The following GRAMD4 variants were observed in gnomAD, a reference collection of about 807,000 sequenced individuals.
GRAMD4 encodes the protein GRAM domain containing 4.
GRAMD4 carries 25 observed loss-of-function variants against 83.9 expected under a neutral mutation model. The observed-to-expected ratio is 0.30, with a 90% CI of 0.22 to 0.42. The LOEUF (loss-of-function observed/expected upper bound fraction) is 0.42. Ranked by LOEUF, GRAMD4 falls within the 10% of genes least tolerant of loss-of-function variation. The probability of loss-of-function intolerance (pLI) is 1.00; values close to 1 mark genes in which losing one functional copy is unlikely to be tolerated. For missense variants in GRAMD4, 593 were observed against 788.7 expected (o/e 0.75, Z 2.97); for synonymous variants, 336 against 320.9 (o/e 1.05, Z -0.50).
At chr22:46,644,331 C>T (rs544778100) in intron 3 of GRAMD4, among the ~76,000 whole-genome samples, 6 of 152,158 alleles carry the variant, frequency 3.9e-5, no homozygotes, top group African/African-American at 1.4e-4. Context: ...TTCCGTGTTA[C>T]ACCTGTTTCT....
intron 1 of GRAMD4, among the ~76,000 whole-genome samples, chr22:46,601,386 C>T (rs2081310987): frequency 1.3e-5 from 2 of 152,076 alleles, no homozygotes; most frequent in Non-Finnish European, 2.9e-5. Flanking sequence ...GGTCCCTGGG[C>T]CACACTTTGA....
intron 1 of GRAMD4, among the ~76,000 whole-genome samples, chr22:46,624,045 A>G (rs1348479703): frequency 6.6e-6 from 1 of 152,078 alleles, no homozygotes; most frequent in Non-Finnish European, 1.5e-5. Flanking sequence ...GCCTCACAAA[A>G]TGCTGGGATT....
chr22:46,609,625 G>T (rs1265277375), intron 1 of GRAMD4, among the ~76,000 whole-genome samples: 1 of 152,202 alleles, frequency 6.6e-6, no homozygotes, highest in Non-Finnish European at 1.5e-5. Flanking sequence ...GTGCCAGGCC[G>T]TGTGCTGGGC....
Position 46,679,374 on chromosome 22 carries a change from G to A in GRAMD4, c.*2123G>A, listed in dbSNP as rs975549731. On this transcript the variant is annotated 3_prime_UTR_variant, in exon 19 of 19. Coordinates refer to ENST00000406902, the MANE Select transcript of GRAMD4 (RefSeq NM_015124.5). ...GAAGCCCCCAGGGAGGGCCACATTC[G>A]GGGAGCGGGGGGTCGGGGGAGGGCC... 1.1e-5 allele frequency: 11 copies of A among 985,334 alleles called. No individual in the cohort carries two copies. Among genetic ancestry groups the A allele is most frequent in the East Asian group, 1.1e-4 (1 of 8,822 alleles). The allele number at this position is 985,334 out of a possible 1,614,324, so 61.0% of individuals were successfully genotyped here. A position where few individuals can be genotyped will look rare whatever the true frequency, so the allele number is the denominator to read the frequency against.
intron 2 of GRAMD4, among the ~76,000 whole-genome samples, chr22:46,636,162 C>T (rs959211801): frequency 2.0e-5 from 3 of 152,224 alleles, no homozygotes; most frequent in African/African-American, 7.2e-5. Flanking sequence ...TAAGCTGGAG[C>T]ACAGGTGGGG....
rs3747255 is a variant in GRAMD4 at position 46,678,384 on chromosome 22, G to T, written c.*1133G>T. The T allele has an allele frequency of 2.0e-6, 2 of 984,618 alleles. No individual in the cohort carries two copies. Among genetic ancestry groups the T allele is most frequent in the Non-Finnish European group, 2.4e-6 (2 of 829,312 alleles). 61.0% of individuals were successfully genotyped at this position (984,618 alleles called of 1,614,324 possible). Reference sequence around the variant, plus strand: ...CCGCGTGCCTAGCCGGTGCCGGTCCGGGCACAGACCCCCCCAGCCCCCGCC... The same window carrying T: ...CCGCGTGCCTAGCCGGTGCCGGTCCTGGCACAGACCCCCCCAGCCCCCGCC... On this transcript the variant is annotated 3_prime_UTR_variant, in exon 19 of 19. Coordinates refer to ENST00000406902, the MANE Select transcript of GRAMD4 (RefSeq NM_015124.5).
At chr22:46,634,959 A>AT (rs1555964926) in intron 2 of GRAMD4, among the ~76,000 whole-genome samples, 2 of 151,652 alleles carry the variant, frequency 1.3e-5, no homozygotes, top group Non-Finnish European at 2.9e-5. Context: ...AAAAAAAAAA[A>AT]GAAATCATAA....
At chr22:46,643,103 C>G (rs2082000643) in intron 3 of GRAMD4, among the ~76,000 whole-genome samples, 2 of 151,646 alleles carry the variant, frequency 1.3e-5, no homozygotes, top group Admixed American at 6.6e-5. Context: ...ATCCATCCAT[C>G]CATCCATCCA....
At chr22:46,579,204 G>A (rs1213927031) in intron 1 of GRAMD4, among the ~76,000 whole-genome samples, 2 of 152,180 alleles carry the variant, frequency 1.3e-5, no homozygotes, top group East Asian at 3.9e-4. Flanking sequence ...ACCCTTCACT[G>A]GGAAAGAACC....
intron 1 of GRAMD4, among the ~76,000 whole-genome samples, chr22:46,584,319 C>T (rs1332717434): frequency 2.0e-5 from 3 of 151,626 alleles, no homozygotes; most frequent in Admixed American, 1.3e-4. Context: ...TCTGGGCCCT[C>T]TTAGCTGACA....
intron 1 of GRAMD4, among the ~76,000 whole-genome samples, chr22:46,579,157 C>T (rs1185883941): frequency 1.3e-5 from 2 of 152,190 alleles, no homozygotes; most frequent in Non-Finnish European, 2.9e-5. Context: ...CCCTGGGAGG[C>T]TGTTTATTCT....
intron 5 of GRAMD4, 62 bp from the exon 6 acceptor site, chr22:46,662,978 G>C (rs950630507): frequency 1.3e-6 from 2 of 1,500,020 alleles, no homozygotes; most frequent in Middle Eastern, 2.4e-4. Flanking sequence ...AGATCCCGGA[G>C]CCGACCCCAG....
chr22:46,578,184 C>T (rs1569241491), intron 1 of GRAMD4, among the ~76,000 whole-genome samples: 2 of 152,190 alleles, frequency 1.3e-5, no homozygotes, highest in South Asian at 4.1e-4. Context: ...ATGGGGTTCC[C>T]TTCTTGCCTG....
At chr22:46,594,916 C>T (rs905121867) in intron 1 of GRAMD4, among the ~76,000 whole-genome samples, 2 of 152,084 alleles carry the variant, frequency 1.3e-5, no homozygotes, top group East Asian at 1.9e-4. Flanking sequence ...GTTTGCTGTG[C>T]CTGTGTCCGC....
chr22:46,633,549 G>A (rs1434022731), intron 2 of GRAMD4, among the ~76,000 whole-genome samples: 1 of 152,232 alleles, frequency 6.6e-6, no homozygotes, highest in Non-Finnish European at 1.5e-5. Context: ...CGGGAGCCCA[G>A]CAACTGGGGG....
intron 2 of GRAMD4, among the ~76,000 whole-genome samples, chr22:46,634,996 G>A (rs535559869): frequency 4.5e-4 from 69 of 151,944 alleles, no homozygotes; most frequent in African/African-American, 1.6e-3. Context: ...TGTCCAGCAC[G>A]CTTTTGAACT....
At chr22:46,657,471 G>C (rs969210292) in intron 3 of GRAMD4, among the ~76,000 whole-genome samples, 1 of 152,198 alleles carries the variant, frequency 6.6e-6, no homozygotes, top group Non-Finnish European at 1.5e-5. Context: ...TGTCCTGACT[G>C]CCAGAGGCTG....
At chr22:46,673,382 G>A (rs772424704) in intron 14 of GRAMD4, among the ~76,000 whole-genome samples, 49 of 152,358 alleles carry the variant, frequency 3.2e-4, no homozygotes, top group Non-Finnish European at 6.5e-4. Flanking sequence ...ACAGTCACAG[G>A]CCCTCCAGAT....
intron 1 of GRAMD4, among the ~76,000 whole-genome samples, chr22:46,579,559 A>G (rs759324173): frequency 5.3e-5 from 8 of 152,144 alleles, no homozygotes; most frequent in Admixed American, 4.6e-4. Context: ...GCAGCACCCC[A>G]CTTGACGGGT....
Sources: allele counts gnomAD v4.1 joint callset (sites outside exome capture counted in the v4.1 genomes callset), GRCh38; gene constraint gnomAD v4.1.1; transcripts MANE v1.5; gene names NCBI Gene and HGNC (gene_info 2026-07-23, HGNC 2026-07-21).